Variants in SOX5 observed in about 807,000 individuals in gnomAD.
SOX5 encodes transcription factor SOX-5.
SOX5 carries 9 observed loss-of-function variants against 92.0 expected under a neutral mutation model. That is an observed-to-expected ratio of 0.10 (90% CI 0.06 to 0.17). The LOEUF (loss-of-function observed/expected upper bound fraction) is 0.17. Among genes scored for constraint, SOX5 ranks in the 10% least tolerant of loss-of-function variants. SOX5 has a pLI of 1.00. For synonymous variants in SOX5, 344 were observed against 336.3 expected (o/e 1.02, Z -0.25); for missense variants, 642 against 944.5 (o/e 0.68, Z 4.20).
At chr12:23,668,080 G>A (rs576218854) in intron 6 of SOX5, among the ~76,000 whole-genome samples, 1 of 152,278 alleles carries the variant, frequency 6.6e-6, no homozygotes, top group African/African-American at 2.4e-5. Flanking sequence ...TAATGCTTAA[G>A]TGCTGTCTAG....
intron 4 of SOX5, among the ~76,000 whole-genome samples, chr12:24,118,031 AAAAAAAAG>A (rs1948226220): frequency 6.7e-6 from 1 of 149,420 alleles, no homozygotes; most frequent in East Asian, 1.9e-4. Flanking sequence ...AAAAAAAAAA[AAAAAAAAG>A]AAAAAAAAAA....
At chr12:23,969,081 T>A (rs538414310) in intron 4 of SOX5, among the ~76,000 whole-genome samples, 18 of 152,304 alleles carry the variant, frequency 1.2e-4, no homozygotes, top group Admixed American at 5.9e-4. Flanking sequence ...GGAGTCAACA[T>A]CCACCTAATT....
At chr12:24,558,953 TG>T (rs1649612322) in intron 1 of SOX5, among the ~76,000 whole-genome samples, 1 of 152,240 alleles carries the variant, frequency 6.6e-6, no homozygotes, top group Non-Finnish European at 1.5e-5. Context: ...TAGACAGTTT[TG>T]TGTGGTGTTT....
At chr12:23,593,162 C>G (rs1951828822) in intron 9 of SOX5, among the ~76,000 whole-genome samples, 1 of 152,044 alleles carries the variant, frequency 6.6e-6, no homozygotes, top group Admixed American at 6.6e-5. Context: ...TTCATGTTTC[C>G]TATATTCTCC....
chr12:23,745,505 C>T lies in SOX5; in HGVS notation c.569-4466G>A, dbSNP rs571603950. On this transcript the variant is annotated intron_variant, in intron 4 of 14. Coordinates refer to ENST00000451604, the MANE Select transcript of SOX5 (RefSeq NM_006940.6). ...CTGTCAAGTCATTATTGCGAATTAA[C>T]GAGGTCCTTCAAAATATCACCTACT... is the stretch of plus-strand genomic sequence containing the variant. 3.9e-5 allele frequency among the ~76,000 whole-genome samples: 6 copies of T among 152,228 alleles called. No homozygotes were observed. In the East Asian group the frequency reaches 5.8e-4, roughly 15 times the overall value.
In SOX5 at chr12:23,765,587, A is replaced by G. The variant is rs145529717; in HGVS notation, c.482-9863T>C. Among the ~76,000 whole-genome samples the G allele has an allele frequency of 3.5e-3, 525 of 152,070 alleles. 2 individuals are homozygous for G. The highest frequency in any genetic ancestry group is 0.012 in the African/African-American group (499 of 41,528). The stretch of plus-strand genomic sequence containing the variant: ...CACCAGAGACTTCTCATTCTTAATG[A>G]TAAAGGCAGTGGTTATAAAATTAGT... On this transcript the variant is annotated intron_variant, in intron 3 of 14. Transcript: ENST00000451604.
chr12:23,977,935 T>C (rs1311582715), intron 4 of SOX5, among the ~76,000 whole-genome samples: 2 of 152,214 alleles, frequency 1.3e-5, no homozygotes, highest in African/African-American at 2.4e-5. Context: ...ACTTTATTTC[T>C]GTAAGAAAAT....
Position 23,774,450 on chromosome 12 carries a change from T to A in SOX5, c.482-18726A>T, listed in dbSNP as rs1308302901. Reference sequence around the variant, plus strand: ...ATAAAAGACTGCCATTGAAAAATAATATTTTTATTTTTCTTCCTTTGCACC... The same window carrying A: ...ATAAAAGACTGCCATTGAAAAATAAAATTTTTATTTTTCTTCCTTTGCACC... On this transcript the variant is annotated intron_variant, in intron 3 of 14. Coordinates refer to ENST00000451604, the MANE Select transcript of SOX5 (RefSeq NM_006940.6). 2.6e-5 allele frequency among the ~76,000 whole-genome samples: 4 copies of A among 152,224 alleles called. No individual in the cohort carries two copies. In the East Asian group the frequency reaches 5.8e-4, roughly 22 times the overall value.
rs1240403561 is a variant in SOX5, at chr12:24,346,695, C to T, written c.-174+21868G>A. ...CTCAAACTCCTGACCTTGTGATCCACCCGCCTTGGCCTCCCAAAGTGCTCG... is the reference window on the plus strand; with the variant it reads ...CTCAAACTCCTGACCTTGTGATCCATCCGCCTTGGCCTCCCAAAGTGCTCG... On this transcript the variant is annotated intron_variant, in intron 2 of 4. Coordinates refer to the SOX5 transcript ENST00000446891. Among the ~76,000 whole-genome samples, 41 of 152,084 alleles carry T rather than the reference C, an allele frequency of 2.7e-4. 2 individuals are homozygous for T. Among genetic ancestry groups the T allele is most frequent in the Admixed American group, 2.6e-3 (40 of 15,274 alleles).
chr12:23,991,341 CAA>C (rs1307441405), intron 4 of SOX5, among the ~76,000 whole-genome samples: 2 of 150,394 alleles, frequency 1.3e-5, no homozygotes, highest in African/African-American at 2.4e-5. Context: ...ACAACAACAA[CAA>C]AAAAAATATA....
intron 1 of SOX5, among the ~76,000 whole-genome samples, chr12:23,901,933 G>A (rs1202201872): frequency 1.3e-5 from 2 of 152,142 alleles, no homozygotes; most frequent in Admixed American, 6.5e-5. Context: ...TTCAATAACA[G>A]TATCCTTTTT....
intron 11 of SOX5, among the ~76,000 whole-genome samples, chr12:23,553,962 T>C (rs555748194): frequency 4.6e-5 from 7 of 152,104 alleles, no homozygotes; most frequent in Non-Finnish European, 1.0e-4. Flanking sequence ...GTTAAATAAA[T>C]ATAATCTGAC....
Position 24,560,988 on chromosome 12 carries a change from C to T in SOX5, c.-251+1341G>A, listed in dbSNP as rs184690283. Among the ~76,000 whole-genome samples the T allele has an allele frequency of 3.1e-4, 47 of 152,298 alleles. No homozygotes were observed. The East Asian group carries it at 5.2e-3, about 17-fold the overall frequency. ...CACTGTCCAGTCCCTTTGCAGATTC[C>T]CACACTTACTGCCCCAAATCCCACA... is the stretch of plus-strand genomic sequence containing the variant. On this transcript the variant is annotated intron_variant, in intron 1 of 4. Transcript: ENST00000446891.
At chr12:24,529,309 A>G (rs1950974683) in intron 1 of SOX5, among the ~76,000 whole-genome samples, 1 of 152,218 alleles carries the variant, frequency 6.6e-6, no homozygotes, top group Non-Finnish European at 1.5e-5. Context: ...TTTCCCCACC[A>G]TTTAATTCAC....
chr12:24,171,456 T>G (rs968405103), intron 4 of SOX5, among the ~76,000 whole-genome samples: 1 of 151,856 alleles, frequency 6.6e-6, no homozygotes, highest in Non-Finnish European at 1.5e-5. Flanking sequence ...ATCTCCTGAC[T>G]TCGTGATCCA....
At chr12:23,705,559 C>T (rs1275732300) in intron 6 of SOX5, among the ~76,000 whole-genome samples, 1 of 151,942 alleles carries the variant, frequency 6.6e-6, no homozygotes, top group Non-Finnish European at 1.5e-5. Context: ...TGAGGAGGGA[C>T]CTGCCTGGTT....
intron 4 of SOX5, among the ~76,000 whole-genome samples, chr12:24,070,257 C>A (rs1025471345): frequency 6.6e-6 from 1 of 152,072 alleles, no homozygotes; most frequent in Non-Finnish European, 1.5e-5. Context: ...CCTACAGACC[C>A]AATTCTAAAT....
intron 4 of SOX5, among the ~76,000 whole-genome samples, chr12:23,964,864 G>A (rs1251989816): frequency 6.6e-6 from 1 of 152,194 alleles, no homozygotes; most frequent in Non-Finnish European, 1.5e-5. Flanking sequence ...CTTGAGAAAT[G>A]AGCCTTCGAC....
intron 2 of SOX5, among the ~76,000 whole-genome samples, chr12:24,278,657 G>A (rs1327596574): frequency 6.6e-6 from 1 of 152,132 alleles, no homozygotes; most frequent in African/African-American, 2.4e-5. Flanking sequence ...ATTGCAGTAA[G>A]CTGTGGTTGC....
Sources: gnomAD v4.1 joint callset for allele counts (sites outside exome capture counted in the v4.1 genomes callset) on GRCh38, gnomAD v4.1.1 for gene constraint, MANE v1.5 for transcripts, NCBI Gene and HGNC (gene_info 2026-07-23, HGNC 2026-07-21) for gene names.